CLIC5: variants seen among roughly 807,000 people sequenced by gnomAD.
CLIC5 encodes CLIC family member 5.
Under a neutral mutation model 24.7 loss-of-function variants are expected in CLIC5, and 20 were observed. The ratio of observed to expected loss-of-function variants is 0.81; its 90% CI spans 0.57 to 1.18. The LOEUF is 1.18. CLIC5 is among the 50% of genes most tolerant of loss of function. The pLI is 0.00. For missense variants in CLIC5, 341 were observed against 326.1 expected (o/e 1.05, Z -0.35); for synonymous variants, 159 against 135.6 (o/e 1.17, Z -1.20).
chr6:45,979,498 G>A (rs571740393), intron 1 of CLIC5, among the ~76,000 whole-genome samples: 2 of 152,180 alleles, frequency 1.3e-5, no homozygotes, highest in Admixed American at 1.3e-4. Context: ...CTAAGGCTAT[G>A]TGGGCTCCAC....
Position 45,903,243 on chromosome 6 carries a change from T to G in CLIC5, c.601A>C (p.Lys201Gln). 11 of 1,588,526 alleles carry G rather than the reference T, an allele frequency of 6.9e-6. No individual in the cohort carries two copies. Among genetic ancestry groups the G allele is most frequent in the Non-Finnish European group, 9.4e-6 (11 of 1,168,226 alleles). Residue 201 changes from lysine (K) to glutamine (Q), a missense_variant, in exon 6 of 6, where the codon AAA (lysine) becomes CAA (glutamine). Lys to Gln is a moderately conservative substitution (Grantham distance 53). Transcript: ENST00000339561. ...GCCGGGATATCATAGTTGCGGTATT[T>G]CTTGGCCACAATCTAAAACAGAGAT... is the stretch of plus-strand genomic sequence containing the variant. Reference protein sequence around the residue: ...KLHVVKIVAKKYRNYDIPAEM... With the variant: ...KLHVVKIVAKQYRNYDIPAEM...
chr6:45,953,743 G>T (rs1209039562), intron 2 of CLIC5, among the ~76,000 whole-genome samples: 1 of 152,112 alleles, frequency 6.6e-6, no homozygotes, highest in Non-Finnish European at 1.5e-5. Flanking sequence ...ATCACATAAA[G>T]GATGGGTCAG....
At chr6:45,953,160 T>A (rs967156661) in intron 2 of CLIC5, among the ~76,000 whole-genome samples, 6 of 152,168 alleles carry the variant, frequency 3.9e-5, no homozygotes, top group African/African-American at 1.4e-4. Flanking sequence ...TGGGCGAGTC[T>A]CATATATATC....
intron 1 of CLIC5, among the ~76,000 whole-genome samples, chr6:45,967,014 G>T (rs1179923095): frequency 6.6e-6 from 1 of 152,206 alleles, no homozygotes; most frequent in Non-Finnish European, 1.5e-5. Context: ...GTTCTCATGT[G>T]GTCAACCACA....
chr6:45,920,148 A>G (rs1176214674), intron 4 of CLIC5: 1 of 974,756 alleles, frequency 1.0e-6, no homozygotes, highest in African/African-American at 1.8e-5. Flanking sequence ...TTGGTAACAT[A>G]TTTGTGTTCT....
chr6:45,897,679 A>G (rs1762412286), downstream of CLIC5, among the ~76,000 whole-genome samples: 1 of 152,122 alleles, frequency 6.6e-6, no homozygotes, highest in African/African-American at 2.4e-5. Flanking sequence ...CAGACGTCAC[A>G]TTGGCTTCAG....
chr6:46,040,982 T>C (rs1364853486), intron 1 of CLIC5, among the ~76,000 whole-genome samples: 1 of 152,192 alleles, frequency 6.6e-6, no homozygotes, highest in African/African-American at 2.4e-5. Flanking sequence ...AAAAATGGTC[T>C]GTAAATAGTA....
chr6:45,980,461 C>T (rs2127413501), intron 1 of CLIC5, among the ~76,000 whole-genome samples: 1 of 152,158 alleles, frequency 6.6e-6, no homozygotes, highest in Admixed American at 6.5e-5. Flanking sequence ...CTATTGTGTA[C>T]TATGCTCACT....
chr6:45,984,923 G>C (rs1334981967), intron 1 of CLIC5, among the ~76,000 whole-genome samples: 1 of 152,182 alleles, frequency 6.6e-6, no homozygotes. Context: ...AACAAGGTCG[G>C]TAACTGCCAT....
At chr6:46,026,478 T>C (rs926463041) in intron 1 of CLIC5, among the ~76,000 whole-genome samples, 9 of 152,168 alleles carry the variant, frequency 5.9e-5, no homozygotes, top group Non-Finnish European at 7.4e-5. Flanking sequence ...TTTGATTCCG[T>C]TTTTGTCATG....
At chr6:45,905,742 G>A (rs1762643699) in intron 5 of CLIC5, among the ~76,000 whole-genome samples, 2 of 152,022 alleles carry the variant, frequency 1.3e-5, no homozygotes, top group African/African-American at 4.8e-5. Flanking sequence ...AGTCCCACTT[G>A]TCAATTTTTA....
At chr6:46,007,535 T>G (rs114269239) in intron 1 of CLIC5, among the ~76,000 whole-genome samples, 56 of 152,330 alleles carry the variant, frequency 3.7e-4, no homozygotes, top group Non-Finnish European at 7.2e-4. Flanking sequence ...GGCCTCCTGA[T>G]GGGACCACTG....
At chr6:46,016,164 GGGGAAA>G (rs1766999558), upstream of CLIC5, among the ~76,000 whole-genome samples, 2 of 124,770 alleles carry the variant, frequency 1.6e-5, no homozygotes, top group Admixed American at 7.7e-5. Context: ...GGAAGAGGAA[GGGGAAA>G]GGGGAAGGGG....
intron 1 of CLIC5, among the ~76,000 whole-genome samples, chr6:46,005,645 T>C (rs1289061985): frequency 1.3e-5 from 2 of 152,134 alleles, no homozygotes; most frequent in Non-Finnish European, 2.9e-5. Flanking sequence ...CCAGAATTCC[T>C]ATGCTAAAAT....
chr6:46,008,325 C>T (rs1037200098), intron 1 of CLIC5, among the ~76,000 whole-genome samples: 1 of 152,186 alleles, frequency 6.6e-6, no homozygotes, highest in African/African-American at 2.4e-5. Flanking sequence ...GACATGGTTG[C>T]TCACTTTTGG....
At chr6:46,033,321 A>G (rs1767565747) in intron 1 of CLIC5, among the ~76,000 whole-genome samples, 1 of 151,766 alleles carries the variant, frequency 6.6e-6, no homozygotes, top group Non-Finnish European at 1.5e-5. Flanking sequence ...AGATGTATGC[A>G]GACTTATTTT....
At chr6:45,989,103 C>T (rs1052665444) in intron 1 of CLIC5, among the ~76,000 whole-genome samples, 2 of 152,206 alleles carry the variant, frequency 1.3e-5, no homozygotes, top group Admixed American at 6.5e-5. Flanking sequence ...CTGCATTTGA[C>T]ATCCATTTGA....
At position 45,949,916 on chromosome 6, in the gene CLIC5, T is replaced by A. The variant is rs373591423; in HGVS notation, c.174-535A>T. Among the ~76,000 whole-genome samples, 94 of 152,344 alleles carry A rather than the reference T, an allele frequency of 6.2e-4. 1 individual carries two copies. The South Asian group carries it at 0.018, about 29-fold the overall frequency. On this transcript the variant is annotated intron_variant, in intron 2 of 5. Transcript: ENST00000339561. ...ATTTTAATATCTAATAACTAATGTCTAACATTGGTCAGCCTTTTGTCACAC... is the reference window on the plus strand; with the variant it reads ...ATTTTAATATCTAATAACTAATGTCAAACATTGGTCAGCCTTTTGTCACAC...
intron 3 of CLIC5, among the ~76,000 whole-genome samples, chr6:45,945,421 G>A (rs1320128084): frequency 6.6e-6 from 1 of 152,138 alleles, no homozygotes; most frequent in African/African-American, 2.4e-5. Flanking sequence ...CAATGGCATA[G>A]GAAGGAAAGT....
Sources: allele counts gnomAD v4.1 joint callset (sites outside exome capture counted in the v4.1 genomes callset), GRCh38; gene constraint gnomAD v4.1.1; transcripts MANE v1.5; gene names NCBI Gene and HGNC (gene_info 2026-07-23, HGNC 2026-07-21).